The following PBX1 variants were observed in gnomAD, a reference collection of about 807,000 sequenced individuals.
PBX1 encodes the protein PBX homeobox 1.
PBX1 carries 6 observed loss-of-function variants against 53.4 expected under a neutral mutation model. That is an observed-to-expected ratio of 0.11 (90% confidence interval 0.06 to 0.22). PBX1 has a LOEUF of 0.22. Ranked by LOEUF, PBX1 falls within the 10% of genes least tolerant of loss-of-function variation. The pLI, the probability that PBX1 is intolerant of heterozygous loss-of-function variation, is 1.00. For missense variants in PBX1, 251 were observed against 551.4 expected (o/e 0.46, Z 5.46); for synonymous variants, 204 against 212.3 (o/e 0.96, Z 0.34).
intron 2 of PBX1, among the ~76,000 whole-genome samples, chr1:164,751,272 G>A (rs1218641243): frequency 2.1e-5 from 3 of 145,598 alleles, no homozygotes; most frequent in East Asian, 4.1e-4. Context: ...CTGAGATCAC[G>A]CCACTGCACT....
At chr1:164,642,737 T>G (rs2792261) in intron 2 of PBX1, 1 of 152,036 alleles carries the variant, frequency 6.6e-6, no homozygotes, top group African/African-American at 2.4e-5. Context: ...CAAAAACTAT[T>G]TGCCTTCAAG....
intron 2 of PBX1, among the ~76,000 whole-genome samples, chr1:164,760,232 G>C (rs1666739064): frequency 6.6e-6 from 1 of 152,158 alleles, no homozygotes; most frequent in Admixed American, 6.5e-5. Context: ...AACCGAATCA[G>C]AATGAGCAGC....
intron 2 of PBX1, among the ~76,000 whole-genome samples, chr1:164,632,145 G>A (rs942680756): frequency 1.3e-5 from 2 of 152,188 alleles, no homozygotes; most frequent in African/African-American, 2.4e-5. Flanking sequence ...TATTGTTATC[G>A]CCATGATTAC....
At position 164,695,186 on chromosome 1, in the gene PBX1, C is replaced by T. The variant is rs78233012; in HGVS notation, c.266-97308C>T. 6.3e-3 allele frequency among the ~76,000 whole-genome samples: 956 copies of T among 152,308 alleles called. 3 individuals carry two copies. Among genetic ancestry groups the T allele is most frequent in the Non-Finnish European group, 0.011 (774 of 68,024 alleles). ...TCAAATTATCACCATATAAATGTCA[C>T]TTTCGCTCACTTGAATTCCCATATG... On this transcript the variant is annotated intron_variant, in intron 2 of 8. Coordinates refer to ENST00000420696, the MANE Select transcript of PBX1 (RefSeq NM_002585.4).
rs144692063 is a variant in PBX1, at chr1:164,560,219, G to C, written c.191+206G>C. 2.6e-3 allele frequency: 1,332 copies of C among 504,472 alleles called. 11 individuals carry two copies. Among genetic ancestry groups the C allele is most frequent in the African/African-American group, 0.024 (1,191 of 49,518 alleles). 31.2% of individuals were successfully genotyped at this position (504,472 alleles called of 1,614,324 possible). ...GTGTAATCGCCCATGCCGAGATGTG[G>C]CTGTGTACATATTTGTGTGTGTGTG... On this transcript the variant is annotated intron_variant, in intron 1 of 8. Coordinates refer to ENST00000420696, the MANE Select transcript of PBX1 (RefSeq NM_002585.4).
intron 2 of PBX1, among the ~76,000 whole-genome samples, chr1:164,754,724 T>C (rs1230945614): frequency 1.3e-5 from 2 of 152,162 alleles, no homozygotes; most frequent in Admixed American, 1.3e-4. Context: ...ATGAGGATAA[T>C]ACAGATCAGT....
At chr1:164,705,341 A>G (rs1042078609) in intron 2 of PBX1, among the ~76,000 whole-genome samples, 1 of 152,250 alleles carries the variant, frequency 6.6e-6, no homozygotes, top group African/African-American at 2.4e-5. Flanking sequence ...ATTAAAAAAT[A>G]TATTGTTACT....
intron 2 of PBX1, chr1:164,641,301 A>G (rs745506519): frequency 1.1e-4 from 17 of 152,734 alleles, no homozygotes; most frequent in Admixed American, 1.3e-4. Context: ...CCATTCATCC[A>G]TCTCTCTTGT....
At chr1:164,592,445 A>C (rs1247065393) in intron 2 of PBX1, among the ~76,000 whole-genome samples, 1 of 152,166 alleles carries the variant, frequency 6.6e-6, no homozygotes, top group Non-Finnish European at 1.5e-5. Flanking sequence ...TTAATTCTCA[A>C]GGGTCTGCAA....
At chr1:164,877,385 G>A (rs574165090) in intron 2 of PBX1, among the ~76,000 whole-genome samples, 1 of 152,238 alleles carries the variant, frequency 6.6e-6, no homozygotes, top group African/African-American at 2.4e-5. Context: ...GCTCAAGGCT[G>A]GGCACAGTGG....
At chr1:164,626,156 G>A (rs1423179444) in intron 2 of PBX1, 8 of 956,642 alleles carry the variant, frequency 8.4e-6, no homozygotes, top group Non-Finnish European at 7.6e-6. Flanking sequence ...CATATACCAT[G>A]CCTTCCCCCT....
At chr1:164,564,763 CTT>C (rs986315981) in intron 2 of PBX1, among the ~76,000 whole-genome samples, 26 of 152,004 alleles carry the variant, frequency 1.7e-4, no homozygotes, top group Admixed American at 1.4e-3. Context: ...GTTTGTCACA[CTT>C]TTTAGTTTCT....
At chr1:164,703,397 T>G (rs905273597) in intron 2 of PBX1, 1 of 152,116 alleles carries the variant, frequency 6.6e-6, no homozygotes, top group Non-Finnish European at 1.5e-5. Context: ...GATGGTGCTG[T>G]AGCATTGTGA....
chr1:164,832,090 C>T (rs886357177), intron 8 of PBX1, among the ~76,000 whole-genome samples: 5 of 152,306 alleles, frequency 3.3e-5, no homozygotes, highest in African/African-American at 1.2e-4. Context: ...CTCACTATTA[C>T]ATTTTTCCTC....
intron 2 of PBX1, among the ~76,000 whole-genome samples, chr1:164,761,960 C>G (rs1176560099): frequency 6.6e-6 from 1 of 152,112 alleles, no homozygotes; most frequent in Non-Finnish European, 1.5e-5. Context: ...GATGAACCAA[C>G]TATATTCTCT....
At chr1:164,806,303 A>T (rs1669345473) in intron 4 of PBX1, among the ~76,000 whole-genome samples, 1 of 152,196 alleles carries the variant, frequency 6.6e-6, no homozygotes. Context: ...TTTTATTAAA[A>T]AAAAGTGATT....
chr1:164,861,142 G>A (rs576876763), intron 2 of PBX1, among the ~76,000 whole-genome samples: 61 of 152,140 alleles, frequency 4.0e-4, no homozygotes, highest in Admixed American at 4.6e-4. Context: ...CAAGTAAGGC[G>A]TATAAGGCAT....
chr1:164,718,021 T>A (rs1664200548), intron 2 of PBX1, among the ~76,000 whole-genome samples: 1 of 152,202 alleles, frequency 6.6e-6, no homozygotes, highest in Non-Finnish European at 1.5e-5. Context: ...TTATCCCCAT[T>A]TGCGTAGATT....
intron 8 of PBX1, among the ~76,000 whole-genome samples, chr1:164,827,344 A>G (rs1670518835): frequency 2.6e-5 from 4 of 152,320 alleles, no homozygotes; most frequent in African/African-American, 7.2e-5. Flanking sequence ...TTTCAAAGGG[A>G]TGAAAACATA....
Sources: allele counts gnomAD v4.1 joint callset (sites outside exome capture counted in the v4.1 genomes callset), GRCh38; gene constraint gnomAD v4.1.1; transcripts MANE v1.5; gene names NCBI Gene and HGNC (gene_info 2026-07-23, HGNC 2026-07-21).